Variants in GRID2 observed in about 807,000 individuals in gnomAD.
GRID2 encodes glutamate receptor ionotropic, delta-2.
A neutral mutation model predicts 114.8 loss-of-function variants in GRID2; 33 were observed. The observed-to-expected ratio is 0.29, with a 90% CI of 0.22 to 0.38. The LOEUF is 0.38. GRID2 is among the 10% of genes least tolerant of loss of function. The pLI is 1.00. For missense variants in GRID2, 1,184 were observed against 1,257.7 expected, an observed-to-expected ratio of 0.94 and a Z score of 0.89; for synonymous variants, 505 against 449.9, an observed-to-expected ratio of 1.12 and a Z score of -1.55.
chr4:93,560,307 C>T (rs142460694), intron 13 of GRID2, among the ~76,000 whole-genome samples: 1,571 of 144,810 alleles, frequency 0.011, 36 homozygotes, highest in African/African-American at 0.037. Flanking sequence ...GTTTAATTGG[C>T]TCATGGTTCT....
intron 1 of GRID2, among the ~76,000 whole-genome samples, chr4:92,372,810 T>A (rs1388178063): frequency 6.6e-6 from 1 of 152,104 alleles, no homozygotes; most frequent in Non-Finnish European, 1.5e-5. Flanking sequence ...TCAGAGGAAT[T>A]TATGATTTAG....
intron 2 of GRID2, among the ~76,000 whole-genome samples, chr4:92,603,907 A>T (rs1160592608): frequency 1.3e-5 from 2 of 152,050 alleles, no homozygotes; most frequent in Admixed American, 1.3e-4. Flanking sequence ...TAAAATAAAA[A>T]AACATTTATA....
chr4:93,676,336 T>G (rs924518432), intron 14 of GRID2, among the ~76,000 whole-genome samples: 1 of 152,116 alleles, frequency 6.6e-6, no homozygotes, highest in Non-Finnish European at 1.5e-5. Flanking sequence ...AAGAACCAAA[T>G]TAGGCCTCAA....
intron 2 of GRID2, among the ~76,000 whole-genome samples, chr4:93,004,195 A>T (rs544045607): frequency 5.9e-5 from 9 of 151,854 alleles, no homozygotes; most frequent in African/African-American, 2.2e-4. Context: ...AAGCACCTGT[A>T]TTCTTTCCAC....
intron 2 of GRID2, among the ~76,000 whole-genome samples, chr4:92,681,102 A>G (rs945224834): frequency 6.6e-6 from 1 of 152,204 alleles, no homozygotes; most frequent in African/African-American, 2.4e-5. Flanking sequence ...AGAATTTCAA[A>G]TAAAAGGATT....
chr4:92,477,038 CATGTGTGTGT>C (rs1385753959), intron 1 of GRID2, among the ~76,000 whole-genome samples: 1,217 of 104,868 alleles, frequency 0.012, 21 homozygotes, highest in African/African-American at 0.034. Flanking sequence ...GATTTAACTT[CATGTGTGTGT>C]GTGTGTGTGT....
intron 4 of GRID2, among the ~76,000 whole-genome samples, chr4:93,154,896 T>C (rs939190141): frequency 6.6e-6 from 1 of 151,986 alleles, no homozygotes; most frequent in African/African-American, 2.4e-5. Context: ...TCTGTAAGGG[T>C]TCTCATCCAG....
At chr4:93,713,426 G>T (rs1413666690) in intron 14 of GRID2, among the ~76,000 whole-genome samples, 1 of 146,884 alleles carries the variant, frequency 6.8e-6, no homozygotes, top group Non-Finnish European at 1.5e-5. Context: ...TCTTAAATGT[G>T]GAATTTATTT....
At chr4:93,437,927 C>T (rs1391799365) in intron 10 of GRID2, among the ~76,000 whole-genome samples, 1 of 152,068 alleles carries the variant, frequency 6.6e-6, no homozygotes, top group African/African-American at 2.4e-5. Context: ...TATATATCTA[C>T]ATCTATATCT....
intron 1 of GRID2, among the ~76,000 whole-genome samples, chr4:92,422,533 G>C (rs923843991): frequency 6.6e-6 from 1 of 152,078 alleles, no homozygotes; most frequent in Admixed American, 6.6e-5. Flanking sequence ...GTGAGCCAGC[G>C]GTGTTAATTA....
intron 11 of GRID2, among the ~76,000 whole-genome samples, chr4:93,489,498 A>G (rs1726762242): frequency 6.6e-6 from 1 of 151,892 alleles, no homozygotes; most frequent in Non-Finnish European, 1.5e-5. Context: ...TTGATAGGGG[A>G]ATCCCATTGA....
chr4:93,336,490 C>A (rs1374798936), intron 8 of GRID2, among the ~76,000 whole-genome samples: 3 of 152,116 alleles, frequency 2.0e-5, no homozygotes, highest in Non-Finnish European at 2.9e-5. Flanking sequence ...CTAAAACAAG[C>A]AATGCTTCAT....
At chr4:92,569,566 T>C (rs936305893) in intron 1 of GRID2, among the ~76,000 whole-genome samples, 4 of 152,100 alleles carry the variant, frequency 2.6e-5, no homozygotes, top group Non-Finnish European at 5.9e-5. Context: ...CCACAAGGGT[T>C]GCACTAACTT....
At chr4:93,321,092 G>A (rs749056258) in intron 8 of GRID2, among the ~76,000 whole-genome samples, 7 of 151,938 alleles carry the variant, frequency 4.6e-5, no homozygotes, top group Admixed American at 2.0e-4. Flanking sequence ...TATAATTGAA[G>A]GTAAACTCTC....
chr4:92,843,669 T>G (rs547310606), intron 2 of GRID2, among the ~76,000 whole-genome samples: 1 of 152,282 alleles, frequency 6.6e-6, no homozygotes, highest in African/African-American at 2.4e-5. Context: ...TTTCAGTACT[T>G]GGTTTCTGTT....
chr4:93,387,231 A>G (rs908902606), intron 8 of GRID2, among the ~76,000 whole-genome samples: 3 of 152,182 alleles, frequency 2.0e-5, no homozygotes, highest in Non-Finnish European at 2.9e-5. Context: ...TCTAACATAG[A>G]TTAGGTATTA....
At chr4:92,718,320 G>A (rs1228072171) in intron 2 of GRID2, among the ~76,000 whole-genome samples, 2 of 152,034 alleles carry the variant, frequency 1.3e-5, no homozygotes, top group Non-Finnish European at 2.9e-5. Context: ...ATTATGAACT[G>A]TGTACTTGTT....
intron 8 of GRID2, among the ~76,000 whole-genome samples, chr4:93,385,000 T>G (rs983156906): frequency 2.0e-5 from 3 of 152,088 alleles, no homozygotes; most frequent in Admixed American, 6.6e-5. Flanking sequence ...TTTATGGGAG[T>G]TTCAATTGTT....
intron 8 of GRID2, among the ~76,000 whole-genome samples, chr4:93,320,925 A>C (rs1413935520): frequency 6.6e-6 from 1 of 152,048 alleles, no homozygotes; most frequent in South Asian, 2.1e-4. Context: ...ATATTAATAT[A>C]TAAGATATTT....
Sources: gnomAD v4.1 joint callset for allele counts (sites outside exome capture counted in the v4.1 genomes callset) on GRCh38, gnomAD v4.1.1 for gene constraint, MANE v1.5 for transcripts, NCBI Gene and HGNC (gene_info 2026-07-23, HGNC 2026-07-21) for gene names.